CPED1: variants seen among roughly 807,000 people sequenced by gnomAD.
The protein encoded by CPED1 is cadherin-like and PC-esterase domain-containing protein 1.
In CPED1, 114 loss-of-function variants were observed where a neutral mutation model predicts 128.2. The ratio of observed to expected loss-of-function variants is 0.89; its 90% CI spans 0.76 to 1.04. CPED1 has a LOEUF of 1.04. Ranked by LOEUF, CPED1 falls within the 50% of genes least tolerant of loss-of-function variation. CPED1 has a pLI of 0.00. For synonymous variants in CPED1, 462 were observed against 426.7 expected, an observed-to-expected ratio of 1.08 and a Z score of -1.02; for missense variants, 1,211 against 1,207.1, an observed-to-expected ratio of 1.00 and a Z score of -0.05.
intron 16 of CPED1, among the ~76,000 whole-genome samples, chr7:121,167,866 G>A (rs1796568422): frequency 6.6e-6 from 1 of 151,632 alleles, no homozygotes; most frequent in Non-Finnish European, 1.5e-5. Context: ...TGTGTAGCTG[G>A]GACTACAGGC....
rs200638100 is a variant in CPED1 at position 121,099,934 on chromosome 7, C to T, written c.758C>T (p.Thr253Met). 29 of 1,606,428 alleles carry T rather than the reference C, an allele frequency of 1.8e-5. No individual in the cohort carries two copies. The East Asian group carries it at 2.2e-4, about 12-fold the overall frequency. Residue 253 changes from threonine to methionine, a missense_variant, in exon 7 of 23, where the codon ACG becomes ATG. By Grantham distance (81) the Thr-to-Met change is moderately conservative. Coordinates refer to ENST00000310396, the MANE Select transcript of CPED1 (RefSeq NM_024913.5). ...TTTTTTTTTTTTTTTAGGAATGAAA[C>T]GACAGTCCTTGCTCCACATGAAACA... Reference protein sequence around the residue: ...GDWSREQLNETTVLAPHETIF... With the variant: ...GDWSREQLNEMTVLAPHETIF...
chr7:121,192,257 A>C (rs530688109), intron 16 of CPED1, among the ~76,000 whole-genome samples: 4 of 152,278 alleles, frequency 2.6e-5, no homozygotes, highest in African/African-American at 9.6e-5. Flanking sequence ...TGGAAATCCA[A>C]GATCTGAACT....
chr7:121,124,807 A>G (rs1795466223), intron 8 of CPED1, among the ~76,000 whole-genome samples: 1 of 152,210 alleles, frequency 6.6e-6, no homozygotes, highest in Admixed American at 6.6e-5. Context: ...TTTTACTTAT[A>G]CATAATAAAT....
chr7:121,054,271 C>T (rs2538488), intron 4 of CPED1, among the ~76,000 whole-genome samples: 1,747 of 152,282 alleles, frequency 0.011, 31 homozygotes, highest in African/African-American at 0.039. Context: ...TTACCATACC[C>T]GTGTTTGCCA....
At chr7:121,271,044 A>G (rs1792219282) in intron 21 of CPED1, among the ~76,000 whole-genome samples, 1 of 152,198 alleles carries the variant, frequency 6.6e-6, no homozygotes, top group African/African-American at 2.4e-5. Flanking sequence ...TTTTTACTGA[A>G]GAAGTTCAAA....
chr7:121,121,674 TA>T (rs1192104695), intron 7 of CPED1, among the ~76,000 whole-genome samples: 1 of 152,232 alleles, frequency 6.6e-6, no homozygotes, highest in African/African-American at 2.4e-5. Context: ...ATATTTGAGT[TA>T]ATGGCTTGAC....
chr7:121,110,975 G>C (rs1282249478), intron 7 of CPED1, among the ~76,000 whole-genome samples: 1 of 152,170 alleles, frequency 6.6e-6, no homozygotes, highest in East Asian at 1.9e-4. Context: ...TGGGGTGTGA[G>C]AGGCTAAAGA....
At chr7:121,282,039 C>T (rs536230336) in intron 22 of CPED1, among the ~76,000 whole-genome samples, 14 of 152,168 alleles carry the variant, frequency 9.2e-5, no homozygotes, top group South Asian at 2.1e-4. Context: ...ATATTACAAA[C>T]ATTTGCCAAA....
chr7:121,249,761 G>T (rs1798625680), intron 18 of CPED1, among the ~76,000 whole-genome samples: 1 of 152,086 alleles, frequency 6.6e-6, no homozygotes, highest in Non-Finnish European at 1.5e-5. Context: ...AATTCAACAA[G>T]AAGAACTAAC....
intron 22 of CPED1, among the ~76,000 whole-genome samples, chr7:121,274,515 T>G (rs1792295875): frequency 6.6e-6 from 1 of 152,158 alleles, no homozygotes; most frequent in Non-Finnish European, 1.5e-5. Context: ...AGAGTAGTGT[T>G]ATCTATTTTG....
intron 7 of CPED1, among the ~76,000 whole-genome samples, chr7:121,111,175 C>T (rs1036428042): frequency 9.9e-5 from 15 of 152,174 alleles, no homozygotes; most frequent in Non-Finnish European, 2.1e-4. Flanking sequence ...ACTCATCTAC[C>T]TCTTCTCAGC....
intron 16 of CPED1, among the ~76,000 whole-genome samples, chr7:121,143,704 T>C (rs1376304884): frequency 6.6e-6 from 1 of 152,046 alleles, no homozygotes; most frequent in African/African-American, 2.4e-5. Context: ...AGCATTTTTT[T>C]CATACATTGC....
chr7:121,057,070 C>G (rs918600086), intron 4 of CPED1, among the ~76,000 whole-genome samples: 2 of 151,972 alleles, frequency 1.3e-5, no homozygotes, highest in African/African-American at 2.4e-5. Flanking sequence ...CTCCACCTCC[C>G]AGGTTCAAGC....
chr7:121,187,633 C>T (rs1797034126), intron 16 of CPED1, among the ~76,000 whole-genome samples: 1 of 152,090 alleles, frequency 6.6e-6, no homozygotes, highest in Non-Finnish European at 1.5e-5. Flanking sequence ...GCAGTAAACA[C>T]ACAAGAGCAG....
chr7:121,053,753 T>G (rs1585042392), intron 4 of CPED1, among the ~76,000 whole-genome samples: 1 of 152,220 alleles, frequency 6.6e-6, no homozygotes, highest in Non-Finnish European at 1.5e-5. Context: ...AATTCTTCTG[T>G]AAGGAAAAGC....
intron 16 of CPED1, among the ~76,000 whole-genome samples, chr7:121,174,743 T>G (rs1796736012): frequency 6.6e-6 from 1 of 152,144 alleles, no homozygotes; most frequent in Non-Finnish European, 1.5e-5. Context: ...TAAAATAGTT[T>G]TTTCTAGTTC....
intron 1 of CPED1, 62 bp from the exon 2 acceptor site, chr7:120,989,329 C>A: frequency 2.8e-6 from 1 of 361,362 alleles, no homozygotes; most frequent in South Asian, 2.7e-5. Context: ...GTTTGGCAGC[C>A]TGGGGTACAC....
intron 16 of CPED1, among the ~76,000 whole-genome samples, chr7:121,226,926 A>T (rs1288417176): frequency 6.6e-6 from 1 of 152,148 alleles, no homozygotes; most frequent in African/African-American, 2.4e-5. Flanking sequence ...TTAAATTTAA[A>T]GACCATGTAA....
chr7:121,257,798 A>G (rs1190196714), intron 18 of CPED1, among the ~76,000 whole-genome samples: 4 of 152,220 alleles, frequency 2.6e-5, no homozygotes, highest in South Asian at 2.1e-4. Flanking sequence ...AGAATGTTCT[A>G]TAATCTCCAA....
Sources: allele counts gnomAD v4.1 joint callset (sites outside exome capture counted in the v4.1 genomes callset), GRCh38; gene constraint gnomAD v4.1.1; transcripts MANE v1.5; gene names NCBI Gene and HGNC (gene_info 2026-07-23, HGNC 2026-07-21).